The following GRIN2A variants were observed in gnomAD, a reference collection of about 807,000 sequenced individuals.
The protein encoded by GRIN2A is glutamate receptor ionotropic, NMDA 2A.
A neutral mutation model predicts 113.4 loss-of-function variants in GRIN2A; 22 were observed. That is an observed-to-expected ratio of 0.19 (90% CI 0.14 to 0.28). The LOEUF is 0.28. GRIN2A is among the 10% of genes least tolerant of loss of function. The pLI, the probability that GRIN2A is intolerant of heterozygous loss-of-function variation, is 1.00. For synonymous variants in GRIN2A, 827 were observed against 738.4 expected (o/e 1.12, Z -1.94); for missense variants, 1,502 against 1,887.0 (o/e 0.80, Z 3.78).
At chr16:10,063,161 A>G (rs113647367) in intron 2 of GRIN2A, among the ~76,000 whole-genome samples, 4,575 of 152,258 alleles carry the variant, frequency 0.03, 248 homozygotes, top group African/African-American at 0.11. Context: ...CTTATAAGTG[A>G]GAGCTAAACA....
At chr16:9,790,321 C>A (rs567920078) in intron 11 of GRIN2A, among the ~76,000 whole-genome samples, 3 of 152,276 alleles carry the variant, frequency 2.0e-5, no homozygotes, top group South Asian at 2.1e-4. Context: ...AGGCAGAGAA[C>A]CTGGGTTTGA....
rs766603575 is a variant in GRIN2A, at chr16:9,764,854, A to G, written c.2690T>C (p.Leu897Pro). 3 of 1,614,152 alleles carry G rather than the reference A, an allele frequency of 1.9e-6. No individual in the cohort carries two copies. The highest frequency in any genetic ancestry group is 2.5e-6 in the Non-Finnish European group (3 of 1,180,016). Residue 897 changes from leucine (L) to proline (P), a missense_variant, in exon 13 of 13, where the codon CTC (leucine) becomes CCC (proline). Physicochemically the swap from Leu to Pro is moderately conservative, Grantham distance 98. Coordinates refer to ENST00000330684, the MANE Select transcript of GRIN2A (RefSeq NM_001134407.3). ...LTGSQSNMLK[L>P]LRSAKNISSM... Reference sequence around the variant, plus strand: ...GGAAATGTTTTTGGCTGACCGGAGGAGTTTTAACATGTTGCTCTGGGATCC... The same window carrying G: ...GGAAATGTTTTTGGCTGACCGGAGGGGTTTTAACATGTTGCTCTGGGATCC...
intron 2 of GRIN2A, among the ~76,000 whole-genome samples, chr16:10,054,625 A>G (rs1207443247): frequency 6.6e-6 from 1 of 152,238 alleles, no homozygotes; most frequent in Admixed American, 6.5e-5. Flanking sequence ...CCCATCATTC[A>G]GTTCATGGAT....
chr16:9,990,385 A>C (rs1297920220), intron 2 of GRIN2A, among the ~76,000 whole-genome samples: 3 of 151,998 alleles, frequency 2.0e-5, no homozygotes, highest in African/African-American at 7.2e-5. Context: ...CCCAAAAGGG[A>C]GGAGGGAGGG....
At chr16:10,027,099 G>C (rs1396575103) in intron 2 of GRIN2A, among the ~76,000 whole-genome samples, 1 of 152,192 alleles carries the variant, frequency 6.6e-6, no homozygotes, top group Non-Finnish European at 1.5e-5. Context: ...CTCACACAAA[G>C]AAGACAGGTT....
intron 3 of GRIN2A, among the ~76,000 whole-genome samples, chr16:9,914,456 C>A (rs1400312730): frequency 6.6e-6 from 1 of 152,236 alleles, no homozygotes; most frequent in Non-Finnish European, 1.5e-5. Flanking sequence ...GTGTGGCTGA[C>A]AGGCCTGCAC....
At chr16:9,981,054 G>A (rs1220377933) in intron 2 of GRIN2A, among the ~76,000 whole-genome samples, 2 of 150,308 alleles carry the variant, frequency 1.3e-5, no homozygotes, top group African/African-American at 4.9e-5. Context: ...GAGAGAGAGA[G>A]AGAGAATAGT....
intron 7 of GRIN2A, among the ~76,000 whole-genome samples, chr16:9,839,282 A>C (rs2042633484): frequency 6.6e-6 from 1 of 152,140 alleles, no homozygotes; most frequent in African/African-American, 2.4e-5. Context: ...ATGCTTTACT[A>C]TGTTCCATGA....
chr16:10,059,809 T>C (rs1218274998), intron 2 of GRIN2A, among the ~76,000 whole-genome samples: 2 of 151,816 alleles, frequency 1.3e-5, no homozygotes, highest in African/African-American at 2.4e-5. Flanking sequence ...TATGTGTTTA[T>C]ACAATTTTAG....
rs61341840 is a variant in GRIN2A, at chr16:9,888,475, GT to G, written c.1122+2510del. Among the ~76,000 whole-genome samples the G allele has an allele frequency of 8.1e-4, 121 of 148,954 alleles. No individual in the cohort carries two copies. The East Asian group carries it at 0.017, about 21-fold the overall frequency. On this transcript the variant is annotated intron_variant, in intron 4 of 12. Transcript: ENST00000330684. ...TGCATAATGTGAGCAATGGGTCAAG[GT>G]TTTTTTTTTCCATGTAGATTGCCTG...
chr16:10,098,101 A>AG (rs1473032956), intron 2 of GRIN2A, among the ~76,000 whole-genome samples: 3 of 152,192 alleles, frequency 2.0e-5, no homozygotes, highest in African/African-American at 7.2e-5. Context: ...AGAAAAAAAA[A>AG]CAATTAGCAA....
chr16:9,829,858 G>C (rs951050523), intron 8 of GRIN2A, among the ~76,000 whole-genome samples: 4 of 151,954 alleles, frequency 2.6e-5, no homozygotes, highest in Non-Finnish European at 5.9e-5. Flanking sequence ...TATCTAACTG[G>C]ATTTTTGCCA....
At chr16:9,988,160 A>G (rs892294627) in intron 2 of GRIN2A, among the ~76,000 whole-genome samples, 1 of 152,130 alleles carries the variant, frequency 6.6e-6, no homozygotes. Context: ...AGGAGCCTGC[A>G]TCACTACAGT....
intron 2 of GRIN2A, chr16:10,033,996 T>G (rs184356303): frequency 1.0e-4 from 16 of 152,388 alleles, no homozygotes; most frequent in Admixed American, 9.2e-4. Flanking sequence ...CTCTTCTTTT[T>G]TTCCTATCAA....
At chr16:10,044,022 T>TATATATATATAG (rs531659457) in intron 2 of GRIN2A, among the ~76,000 whole-genome samples, 259 of 107,794 alleles carry the variant, frequency 2.4e-3, no homozygotes, top group South Asian at 3.7e-3. Context: ...TATATATATA[T>TATATATATATAG]AGAGAGAGAG....
chr16:10,106,212 G>GT (rs71402429), intron 2 of GRIN2A, among the ~76,000 whole-genome samples: 37,075 of 140,772 alleles, frequency 0.26, 5,211 homozygotes, highest in Non-Finnish European at 0.33. Context: ...TTGGGGAAGT[G>GT]TTTTTTTTTT....
chr16:9,883,211 T>C (rs2043519222), intron 4 of GRIN2A, among the ~76,000 whole-genome samples: 1 of 152,156 alleles, frequency 6.6e-6, no homozygotes, highest in African/African-American at 2.4e-5. Context: ...TGTAAAATTG[T>C]CATCATAGTT....
chr16:9,996,024 C>CAAAAAAAAAAAAAAA (rs57133009), intron 2 of GRIN2A, among the ~76,000 whole-genome samples: 2 of 51,112 alleles, frequency 3.9e-5, no homozygotes, highest in African/African-American at 8.8e-5. Flanking sequence ...CAGAGGGTGG[C>CAAAAAAAAAAAAAAA]AAAAAAAAAA....
chr16:9,795,022 ATGATGATGACGG>A (rs1902885380), intron 11 of GRIN2A, among the ~76,000 whole-genome samples: 1 of 151,530 alleles, frequency 6.6e-6, no homozygotes, highest in East Asian at 1.9e-4. Flanking sequence ...CATGATGATG[ATGATGATGACGG>A]TGATGGTGGT....
Sources: gnomAD v4.1 joint callset for allele counts (sites outside exome capture counted in the v4.1 genomes callset) on GRCh38, gnomAD v4.1.1 for gene constraint, MANE v1.5 for transcripts, NCBI Gene and HGNC (gene_info 2026-07-23, HGNC 2026-07-21) for gene names.